ANO10: variants seen among roughly 807,000 people sequenced by gnomAD.
ANO10 encodes anoctamin 10, also known as anoctamin-10.
ANO10 carries 77 observed loss-of-function variants against 74.7 expected under a neutral mutation model. That is an observed-to-expected ratio of 1.03 (90% confidence interval 0.86 to 1.25). ANO10 has a LOEUF of 1.25. ANO10 is among the 50% of genes most tolerant of loss of function. The pLI, the probability that ANO10 is intolerant of heterozygous loss-of-function variation, is 0.00. For synonymous variants in ANO10, 279 were observed against 284.9 expected, an observed-to-expected ratio of 0.98 and a Z score of 0.21; for missense variants, 721 against 778.1, an observed-to-expected ratio of 0.93 and a Z score of 0.87.
chr3:43,429,133 T>C (rs1219495384), intron 12 of ANO10, among the ~76,000 whole-genome samples: 4 of 152,122 alleles, frequency 2.6e-5, no homozygotes, highest in Non-Finnish European at 5.9e-5. Context: ...AGTAAACACA[T>C]ATCCATGACA....
At chr3:43,534,782 T>C (rs2078631526) in intron 11 of ANO10, among the ~76,000 whole-genome samples, 1 of 152,176 alleles carries the variant, frequency 6.6e-6, no homozygotes, top group Admixed American at 6.5e-5. Flanking sequence ...GCTTGAATGT[T>C]ATCCAAACCC....
chr3:43,654,174 T>C (rs954801269), intron 1 of ANO10, among the ~76,000 whole-genome samples: 1 of 152,120 alleles, frequency 6.6e-6, no homozygotes, highest in African/African-American at 2.4e-5. Context: ...GAGAGGGACA[T>C]TCTGGAATTT....
chr3:43,445,958 A>G (rs1212403130), intron 11 of ANO10, among the ~76,000 whole-genome samples: 2 of 152,132 alleles, frequency 1.3e-5, no homozygotes, highest in Admixed American at 1.3e-4. Context: ...CAGCCTCCCA[A>G]AGAGCTGGGA....
At chr3:43,595,866 T>C (rs1246517476) in intron 4 of ANO10, among the ~76,000 whole-genome samples, 2 of 152,142 alleles carry the variant, frequency 1.3e-5, no homozygotes, top group African/African-American at 4.8e-5. Context: ...GAAAACCCCA[T>C]CGTCTCAGCC....
At chr3:43,531,035 A>C (rs1388493061) in intron 11 of ANO10, among the ~76,000 whole-genome samples, 1 of 152,244 alleles carries the variant, frequency 6.6e-6, no homozygotes, top group Non-Finnish European at 1.5e-5. Flanking sequence ...TGTATGTAAA[A>C]GGCCAAACTT....
intron 1 of ANO10, among the ~76,000 whole-genome samples, chr3:43,631,603 G>A (rs1426819089): frequency 1.3e-5 from 2 of 151,594 alleles, no homozygotes; most frequent in Non-Finnish European, 2.9e-5. Flanking sequence ...TCTGAGATTT[G>A]TTTAAAAATA....
At chr3:43,673,892 C>T (rs113925467) in intron 1 of ANO10, among the ~76,000 whole-genome samples, 1 of 152,108 alleles carries the variant, frequency 6.6e-6, no homozygotes, top group African/African-American at 2.4e-5. Flanking sequence ...CCCAATGACA[C>T]TAGAACTTGA....
intron 5 of ANO10, 68 bp from the exon 6 acceptor site, chr3:43,577,329 C>A: frequency 6.8e-7 from 1 of 1,464,236 alleles, no homozygotes; most frequent in Non-Finnish European, 9.4e-7. Context: ...ATTTCAAGTA[C>A]GCTTATTCAT....
intron 1 of ANO10, among the ~76,000 whole-genome samples, chr3:43,653,711 C>T (rs1170257609): frequency 4.6e-5 from 7 of 151,932 alleles, no homozygotes; most frequent in Admixed American, 6.6e-5. Context: ...AATAGAATAC[C>T]GTCTAGCTAT....
chr3:43,389,891 C>T (rs1005865138), intron 12 of ANO10, among the ~76,000 whole-genome samples: 5 of 152,110 alleles, frequency 3.3e-5, no homozygotes, highest in African/African-American at 9.7e-5. Flanking sequence ...GAGGAAAGCA[C>T]GTACTAGACG....
At chr3:43,646,511 GCTGAGTCAGTAGTCTCTA>G (rs1318300103) in intron 1 of ANO10, among the ~76,000 whole-genome samples, 2 of 152,110 alleles carry the variant, frequency 1.3e-5, no homozygotes, top group Non-Finnish European at 2.9e-5. Context: ...TTATGGTCAT[GCTGAGTCAGTAGTCTCTA>G]CTTTTTGTTT....
intron 12 of ANO10, among the ~76,000 whole-genome samples, chr3:43,417,458 A>G (rs1373618486): frequency 6.6e-6 from 1 of 152,100 alleles, no homozygotes; most frequent in Non-Finnish European, 1.5e-5. Context: ...GCCGGACTAC[A>G]AAGTCCGGCG....
Position 43,598,661 on chromosome 3 carries a change from T to C in ANO10, c.343A>G (p.Asn115Asp), listed in dbSNP as rs776374646. 2 of 1,602,566 alleles carry C rather than the reference T, an allele frequency of 1.2e-6. No individual in the cohort carries two copies. The highest frequency in any genetic ancestry group is 1.1e-5 in the South Asian group (1 of 89,478). The change falls in exon 4 of 13, where the codon AAT (asparagine) becomes GAT (aspartate). Residue 115 changes from asparagine (N) to aspartate (D), a missense_variant. By Grantham distance (23) the Asn-to-Asp change is conservative. Coordinates refer to ENST00000292246, the MANE Select transcript of ANO10 (RefSeq NM_018075.5). ...RQNFKGFDDN[N>D]DDFLTMAECQ... ...TCTGCCATTGTCAGGAAATCATCAT[T>C]GTTATCTAAAATAAAACAGAAATTA...
At chr3:43,556,499 T>C (rs1371835557) in intron 9 of ANO10, among the ~76,000 whole-genome samples, 1 of 152,226 alleles carries the variant, frequency 6.6e-6, no homozygotes, top group African/African-American at 2.4e-5. Context: ...TTCTGAGTGA[T>C]GATAGCTACA....
At chr3:43,548,525 T>A (rs1305517014) in intron 11 of ANO10, among the ~76,000 whole-genome samples, 5 of 152,200 alleles carry the variant, frequency 3.3e-5, no homozygotes, top group Non-Finnish European at 7.3e-5. Flanking sequence ...GAACACAGAT[T>A]CCTACCAAAT....
chr3:43,606,012 A>C (rs2082547257), intron 1 of ANO10, 149 bp from the exon 2 acceptor site: 1 of 825,746 alleles, frequency 1.2e-6, no homozygotes, highest in Admixed American at 2.3e-5. Flanking sequence ...TATATGACAG[A>C]CTCAACCAAT....
chr3:43,448,854 T>A (rs1434913933), intron 11 of ANO10, among the ~76,000 whole-genome samples: 1 of 102,896 alleles, frequency 9.7e-6, no homozygotes, highest in African/African-American at 3.0e-5. Context: ...GATTGTTTTC[T>A]TTCTTTCTTT....
intron 11 of ANO10, among the ~76,000 whole-genome samples, chr3:43,469,038 CTTTT>C (rs371985258): frequency 2.8e-5 from 2 of 70,338 alleles, no homozygotes; most frequent in Non-Finnish European, 4.9e-5. Context: ...CAATTAGCTG[CTTTT>C]TTTTTTTTTT....
At chr3:43,575,577 A>G (rs2080956322) in intron 6 of ANO10, among the ~76,000 whole-genome samples, 1 of 152,208 alleles carries the variant, frequency 6.6e-6, no homozygotes, top group Non-Finnish European at 1.5e-5. Context: ...GTATTAGCAC[A>G]AGGAAAGTAC....
Sources: allele counts gnomAD v4.1 joint callset (sites outside exome capture counted in the v4.1 genomes callset), GRCh38; gene constraint gnomAD v4.1.1; transcripts MANE v1.5; gene names NCBI Gene and HGNC (gene_info 2026-07-23, HGNC 2026-07-21).